The following MTMR7 variants were observed in gnomAD, a reference collection of about 807,000 sequenced individuals.
The protein encoded by MTMR7 is phosphatidylinositol-3-phosphate phosphatase MTMR7.
In MTMR7, 76 loss-of-function variants were observed where a neutral mutation model predicts 81.2. The observed-to-expected ratio is 0.94, with a 90% CI of 0.78 to 1.13. The LOEUF is 1.13. Ranked by LOEUF, MTMR7 falls within the 50% of genes most tolerant of loss-of-function variation. The probability of loss-of-function intolerance (pLI) is 0.00; values close to 1 mark genes in which losing one functional copy is unlikely to be tolerated. For missense variants in MTMR7, 1,044 were observed against 820.0 expected (o/e 1.27, Z -3.34); for synonymous variants, 372 against 289.8 (o/e 1.28, Z -2.88).
intron 4 of MTMR7, among the ~76,000 whole-genome samples, chr8:17,350,271 G>A (rs1347506039): frequency 6.6e-6 from 1 of 152,124 alleles, no homozygotes; most frequent in Non-Finnish European, 1.5e-5. Flanking sequence ...ATTTTCATAC[G>A]GTTATAAAGA....
intron 4 of MTMR7, among the ~76,000 whole-genome samples, chr8:17,355,035 T>A (rs1402710694): frequency 6.6e-6 from 1 of 152,224 alleles, no homozygotes; most frequent in East Asian, 1.9e-4. Flanking sequence ...TTTTGCAGGC[T>A]GTGCAACGTA....
At chr8:17,389,249 G>A (rs1229112958) in intron 1 of MTMR7, among the ~76,000 whole-genome samples, 1 of 152,074 alleles carries the variant, frequency 6.6e-6, no homozygotes, top group African/African-American at 2.4e-5. Context: ...ATCACTACTT[G>A]GTTTCTACTT....
intron 3 of MTMR7, among the ~76,000 whole-genome samples, chr8:17,365,657 C>G (rs1820203830): frequency 1.3e-5 from 2 of 152,192 alleles, no homozygotes; most frequent in South Asian, 2.1e-4. Context: ...GAAGCAAATA[C>G]TCAAAATGCC....
chr8:17,347,127 C>T (rs2150546667), intron 5 of MTMR7, among the ~76,000 whole-genome samples: 1 of 149,184 alleles, frequency 6.7e-6, no homozygotes, highest in East Asian at 2.0e-4. Context: ...CTGGGGAGGT[C>T]AAGGCTGCAG....
chr8:17,324,738 T>G (rs1411022117), intron 7 of MTMR7, among the ~76,000 whole-genome samples: 1 of 152,200 alleles, frequency 6.6e-6, no homozygotes, highest in Non-Finnish European at 1.5e-5. Flanking sequence ...TATTTCCACT[T>G]TAATGGGAAA....
At chr8:17,303,711 G>C (rs1024886682) in intron 12 of MTMR7, among the ~76,000 whole-genome samples, 1 of 151,754 alleles carries the variant, frequency 6.6e-6, no homozygotes, top group African/African-American at 2.4e-5. Flanking sequence ...CCTGGTTCAA[G>C]TGATTCTCCT....
chr8:17,399,645 C>T (rs1014674940), intron 1 of MTMR7, among the ~76,000 whole-genome samples: 23 of 151,902 alleles, frequency 1.5e-4, no homozygotes, highest in African/African-American at 5.3e-4. Flanking sequence ...TTATATAGAA[C>T]AACAAAAGAC....
Position 17,304,409 on chromosome 8 carries a change from A to G in MTMR7, c.1463T>C (p.Leu488Pro). 2 of 1,613,994 alleles carry G rather than the reference A, an allele frequency of 1.2e-6. No individual in the cohort carries two copies. The highest frequency in any genetic ancestry group is 1.7e-6 in the Non-Finnish European group (2 of 1,179,916). ...DHSQTQGTLH[L>P]PTTPCNFMYK... is the part of the protein sequence containing the mutation. Reference sequence around the variant, plus strand: ...CATGAAGTTACATGGTGTTGTAGGGAGATGAAGGGTTCCCTGAGTCTGGCT... The same window carrying G: ...CATGAAGTTACATGGTGTTGTAGGGGGATGAAGGGTTCCCTGAGTCTGGCT... Residue 488 changes from leucine to proline, a missense_variant, in exon 12 of 14, where the codon CTC becomes CCC. Coordinates refer to ENST00000180173, the MANE Select transcript of MTMR7 (RefSeq NM_004686.5).
intron 2 of MTMR7, 175 bp downstream of exon 2, chr8:17,372,943 G>C (rs116939081): frequency 1.6e-6 from 1 of 640,088 alleles, no homozygotes; most frequent in Non-Finnish European, 2.6e-6. Context: ...ATGAATAGTC[G>C]ATCAAGTAGA....
chr8:17,373,804 T>C (rs967649223), intron 1 of MTMR7, among the ~76,000 whole-genome samples: 6 of 152,184 alleles, frequency 3.9e-5, no homozygotes, highest in African/African-American at 1.4e-4. Context: ...AAAATCTTCC[T>C]AATGAATGGC....
At chr8:17,367,516 A>C (rs1820266293) in intron 3 of MTMR7, among the ~76,000 whole-genome samples, 1 of 152,212 alleles carries the variant, frequency 6.6e-6, no homozygotes, top group Non-Finnish European at 1.5e-5. Context: ...TTAGTTCTTT[A>C]CCAAGAATGA....
Position 17,332,574 on chromosome 8 carries a change from G to A in MTMR7, c.733-1292C>T, listed in dbSNP as rs1015998769. ...GAGCCCATTGGAAGTTGAAAATGCC[G>A]TAAGTGAAAAGTGCATGGCAAACTG... On this transcript the variant is annotated intron_variant, in intron 6 of 13. Coordinates refer to ENST00000180173, the MANE Select transcript of MTMR7 (RefSeq NM_004686.5). 3.2e-4 allele frequency among the ~76,000 whole-genome samples: 48 copies of A among 152,298 alleles called. 1 individual carries two copies. Among genetic ancestry groups the A allele is most frequent in the Middle Eastern group, 3.4e-3 (1 of 294 alleles).
intron 12 of MTMR7, 78 bp from the exon 13 acceptor site, chr8:17,302,358 CT>C: frequency 9.6e-6 from 14 of 1,462,178 alleles, no homozygotes; most frequent in South Asian, 1.4e-5. Flanking sequence ...TCTAAGGTAT[CT>C]ATGATACCAC....
chr8:17,313,449 T>C (rs1017376951), intron 7 of MTMR7, 48 bp from the exon 8 acceptor site: 1 of 1,201,814 alleles, frequency 8.3e-7, no homozygotes, highest in African/African-American at 1.5e-5. Flanking sequence ...TACTCTCTCA[T>C]TTTACATATG....
intron 10 of MTMR7, 104 bp from the exon 11 acceptor site, chr8:17,306,061 A>C: frequency 1.2e-6 from 1 of 864,590 alleles, no homozygotes; most frequent in Non-Finnish European, 1.7e-6. Flanking sequence ...TCCTAAATAA[A>C]TCTTATCTTA....
intron 6 of MTMR7, among the ~76,000 whole-genome samples, chr8:17,331,846 T>A (rs1819019583): frequency 6.6e-6 from 1 of 152,186 alleles, no homozygotes; most frequent in African/African-American, 2.4e-5. Flanking sequence ...CAACCAAGTC[T>A]CCAGAGACAT....
intron 1 of MTMR7, among the ~76,000 whole-genome samples, chr8:17,401,019 A>G (rs1821411474): frequency 6.6e-6 from 1 of 152,182 alleles, no homozygotes; most frequent in African/African-American, 2.4e-5. Flanking sequence ...CTAATAATCC[A>G]TATTCATTCA....
At chr8:17,331,772 G>C (rs1819016320) in intron 6 of MTMR7, among the ~76,000 whole-genome samples, 1 of 152,162 alleles carries the variant, frequency 6.6e-6, no homozygotes, top group South Asian at 2.1e-4. Flanking sequence ...TTGCCCACAA[G>C]ATCCCTCAGA....
intron 1 of MTMR7, among the ~76,000 whole-genome samples, chr8:17,391,147 G>A (rs891543370): frequency 5.3e-5 from 8 of 152,124 alleles, no homozygotes; most frequent in African/African-American, 1.9e-4. Flanking sequence ...GAGGACTTCT[G>A]GATCAGCATC....
Sources: allele counts gnomAD v4.1 joint callset (sites outside exome capture counted in the v4.1 genomes callset), GRCh38; gene constraint gnomAD v4.1.1; transcripts MANE v1.5; gene names NCBI Gene and HGNC (gene_info 2026-07-23, HGNC 2026-07-21).